KANK1: variants seen among roughly 807,000 people sequenced by gnomAD.
KANK1 encodes the protein KN motif and ankyrin repeat domain-containing protein 1.
Under a neutral mutation model 106.2 loss-of-function variants are expected in KANK1, and 109 were observed. The observed-to-expected ratio is 1.03, with a 90% confidence interval of 0.88 to 1.20. The LOEUF (loss-of-function observed/expected upper bound fraction) is 1.20, where lower values mean the gene tolerates loss of function less well. KANK1 is among the 50% of genes most tolerant of loss of function. The pLI is 0.00. For missense variants in KANK1, 2,399 were observed against 1,710.7 expected (o/e 1.40, Z -7.10); for synonymous variants, 873 against 652.2 (o/e 1.34, Z -5.16).
intron 1 of KANK1, among the ~76,000 whole-genome samples, chr9:663,039 G>A (rs1843713185): frequency 6.6e-6 from 1 of 152,130 alleles, no homozygotes; most frequent in Admixed American, 6.5e-5. Flanking sequence ...CTTTTACTTA[G>A]TGACAGTCCC....
chr9:724,082 C>G lies in KANK1; in HGVS notation c.2699-5969C>G, dbSNP rs186141832. Reference sequence around the variant, plus strand: ...CGCCACTGCACTCCAGCCTGGGTGACAGAGTGAGATGCCATATCAAAAAAA... The same window carrying G: ...CGCCACTGCACTCCAGCCTGGGTGAGAGAGTGAGATGCCATATCAAAAAAA... On this transcript the variant is annotated intron_variant, in intron 3 of 11. Transcript: ENST00000382297. Among the ~76,000 whole-genome samples the G allele has an allele frequency of 2.6e-3, 402 of 152,012 alleles. 5 individuals carry two copies. The highest frequency in any genetic ancestry group is 9.4e-3 in the African/African-American group (389 of 41,472).
chr9:588,605 T>G (rs148588302), intron 1 of KANK1, among the ~76,000 whole-genome samples: 194 of 152,314 alleles, frequency 1.3e-3, no homozygotes, highest in African/African-American at 4.2e-3. Flanking sequence ...TGTTTGTTTT[T>G]AAAAAACATT....
At chr9:739,241 T>TTTTAA (rs1491456566) in intron 8 of KANK1, among the ~76,000 whole-genome samples, 3 of 152,200 alleles carry the variant, frequency 2.0e-5, no homozygotes, top group African/African-American at 7.2e-5. Context: ...ACCCCAAGTC[T>TTTTAA]TTTAATTTTT....
At chr9:554,227 G>C (rs2061444492) in intron 1 of KANK1, among the ~76,000 whole-genome samples, 1 of 152,178 alleles carries the variant, frequency 6.6e-6, no homozygotes, top group African/African-American at 2.4e-5. Context: ...CTGAGTCTGA[G>C]GGCTGAGAAC....
intron 1 of KANK1, among the ~76,000 whole-genome samples, chr9:572,631 T>C (rs1323397714): frequency 6.6e-6 from 1 of 152,042 alleles, no homozygotes; most frequent in East Asian, 1.9e-4. Context: ...CCTCAGGCAA[T>C]CCTCCTGCCA....
rs185347135 is a variant in KANK1 at position 594,713 on chromosome 9, A to C, written c.-83-82177A>C. Among the ~76,000 whole-genome samples the C allele has an allele frequency of 5.9e-5, 9 of 151,986 alleles. No homozygotes were observed. In the East Asian group the frequency reaches 1.5e-3, roughly 26 times the overall value. On this transcript the variant is annotated intron_variant, in intron 1 of 11. Coordinates refer to ENST00000382297, the MANE Select transcript of KANK1 (RefSeq NM_015158.5). ...TATAGATGTGTCTGAAGGTTCAAAA[A>C]TATTGAACGTGATTTCAGTTGTTTC...
intron 10 of KANK1, 98 bp downstream of exon 10, chr9:742,503 C>T (rs1835910527): frequency 8.3e-6 from 7 of 848,280 alleles, no homozygotes; most frequent in Non-Finnish European, 1.1e-5. Flanking sequence ...AAATCCTCCT[C>T]TATTCTCCTC....
chr9:682,038 G>C (rs1817652673), intron 2 of KANK1, among the ~76,000 whole-genome samples: 2 of 152,198 alleles, frequency 1.3e-5, no homozygotes, highest in South Asian at 4.1e-4. Context: ...CCAGCACTTT[G>C]GGAGGCCGAT....
chr9:524,135 C>G (rs1419175492), intron 1 of KANK1, among the ~76,000 whole-genome samples: 1 of 151,846 alleles, frequency 6.6e-6, no homozygotes, highest in African/African-American at 2.4e-5. Flanking sequence ...GGACTCCCAA[C>G]TTACCTGATT....
At chr9:493,952 G>T (rs1264758759) in intron 3 of KANK1, among the ~76,000 whole-genome samples, 1 of 151,402 alleles carries the variant, frequency 6.6e-6, no homozygotes, top group South Asian at 2.1e-4. Flanking sequence ...GTGCGATCTC[G>T]GCTCACCACA....
intron 3 of KANK1, among the ~76,000 whole-genome samples, chr9:723,478 G>C (rs1342254840): frequency 1.3e-5 from 2 of 150,774 alleles, no homozygotes; most frequent in African/African-American, 2.5e-5. Context: ...TTTTCGTGGG[G>C]CATGATCACA....
chr9:735,760 G>C (rs73374897), intron 7 of KANK1: 1 of 435,014 alleles, frequency 2.3e-6, no homozygotes, highest in Non-Finnish European at 4.8e-6. Context: ...TCGGGAGGCC[G>C]ATGCAGGTGG....
chr9:643,922 C>T (rs1473391491), intron 1 of KANK1, among the ~76,000 whole-genome samples: 2 of 150,722 alleles, frequency 1.3e-5, no homozygotes, highest in South Asian at 4.1e-4. Context: ...AGGCTGGTCT[C>T]GAACTCCTGA....
At chr9:657,886 T>G (rs56296348) in intron 1 of KANK1, among the ~76,000 whole-genome samples, 23,904 of 151,854 alleles carry the variant, frequency 0.16, 2,065 homozygotes, top group Admixed American at 0.18. Flanking sequence ...TTCTTGGTGG[T>G]GGTGGTGTGG....
chr9:713,787 T>C (rs1036199259), intron 3 of KANK1, among the ~76,000 whole-genome samples: 1 of 148,670 alleles, frequency 6.7e-6, no homozygotes, highest in African/African-American at 2.5e-5. Context: ...GTTATTTACT[T>C]GCTCATTATT....
chr9:493,083 C>A (rs1385889986), intron 3 of KANK1, among the ~76,000 whole-genome samples: 1 of 151,918 alleles, frequency 6.6e-6, no homozygotes, highest in Non-Finnish European at 1.5e-5. Context: ...GCCGGCCTCC[C>A]TGTCTCTGAA....
At chr9:573,653 C>T (rs1452422139) in intron 1 of KANK1, among the ~76,000 whole-genome samples, 1 of 151,976 alleles carries the variant, frequency 6.6e-6, no homozygotes, top group Admixed American at 6.6e-5. Flanking sequence ...TTAAGTAAGT[C>T]GCGGGCATTT....
At chr9:563,704 A>G (rs1817080036) in intron 1 of KANK1, among the ~76,000 whole-genome samples, 1 of 152,158 alleles carries the variant, frequency 6.6e-6, no homozygotes, top group Admixed American at 6.5e-5. Context: ...GTGCTTTCCT[A>G]GGGAGAGGTT....
chr9:538,913 C>G (rs904264316), intron 1 of KANK1, among the ~76,000 whole-genome samples: 2 of 152,160 alleles, frequency 1.3e-5, no homozygotes, highest in African/African-American at 4.8e-5. Context: ...GACAGTCTCA[C>G]TGTGTTGCCC....
Sources: gnomAD v4.1 joint callset for allele counts (sites outside exome capture counted in the v4.1 genomes callset) on GRCh38, gnomAD v4.1.1 for gene constraint, MANE v1.5 for transcripts, NCBI Gene and HGNC (gene_info 2026-07-23, HGNC 2026-07-21) for gene names.